RETNLB: variants seen among roughly 807,000 people sequenced by gnomAD.
The protein encoded by RETNLB is resistin like beta.
A neutral mutation model predicts 6.8 loss-of-function variants in RETNLB; 11 were observed. The ratio of observed to expected loss-of-function variants is 1.62; its 90% CI spans 1.02 to 2.68. The LOEUF is 2.68. RETNLB is among the 30% of genes most tolerant of loss of function. The pLI is 0.00. For synonymous variants in RETNLB, 57 were observed against 54.2 expected, an observed-to-expected ratio of 1.05 and a Z score of -0.23; for missense variants, 146 against 135.7, an observed-to-expected ratio of 1.08 and a Z score of -0.38.
In RETNLB at chr3:108,757,151, A is replaced by G; in HGVS notation, c.35T>C (p.Ile12Thr). Reference sequence around the variant, plus strand: ...CGGGTTGATCAGCTGGAGAAGGGGGATTAGGATGAGAAGGAGGCAAGAGGA... The same window carrying G: ...CGGGTTGATCAGCTGGAGAAGGGGGGTTAGGATGAGAAGGAGGCAAGAGGA... Reference protein sequence around the residue: ...GPSSCLLLILIPLLQLINPGS... With the variant: ...GPSSCLLLILTPLLQLINPGS... The change falls in exon 1 of 3, where the codon ATC (isoleucine) becomes ACC (threonine). Residue 12 changes from isoleucine (I) to threonine (T), a missense_variant. Coordinates refer to ENST00000295755, the MANE Select transcript of RETNLB (RefSeq NM_032579.3). The G allele has an allele frequency of 6.2e-7, 1 of 1,613,578 alleles. No individual in the cohort carries two copies. Among genetic ancestry groups the G allele is most frequent in the African/African-American group, 1.3e-5 (1 of 74,916 alleles).
Position 108,756,054 on chromosome 3 carries a change from CA to C in RETNLB, c.209-150del, listed in dbSNP as rs145570994. On this transcript the variant is annotated intron_variant, in intron 2 of 2. Coordinates refer to ENST00000295755, the MANE Select transcript of RETNLB (RefSeq NM_032579.3). ...CTCATTCAATTTTGCGAGCTCATTT[CA>C]AGAAAAGAAATACAGAAATCACAGA... 3,618 of 784,664 alleles carry C rather than the reference CA, an allele frequency of 4.6e-3. 106 individuals are homozygous for C. In the African/African-American group the frequency reaches 0.057, roughly 12 times the overall value. The allele number at this position is 784,664 out of a possible 1,614,324, so 48.6% of individuals were successfully genotyped here.
chr3:108,755,813 C>T lies in RETNLB; in HGVS notation c.301G>A (p.Asp101Asn), dbSNP rs1945245104. Residue 101 changes from aspartate (D) to asparagine (N), a missense_variant, in exon 3 of 3, where the codon GAC (aspartate) becomes AAC (asparagine). By Grantham distance (23) the Asp-to-Asn change is conservative. Coordinates refer to ENST00000295755, the MANE Select transcript of RETNLB (RefSeq NM_032579.3). Reference protein sequence around the residue: ...TTCHCQCSVVDWTTARCCHLT With the variant: ...TTCHCQCSVVNWTTARCCHLT ...TGGCAGCAGCGGGCAGTGGTCCAGT[C>T]CACCACACTGCACTGGCAGTGGCAG... 4.3e-6 allele frequency: 7 copies of T among 1,614,152 alleles called. No homozygotes were observed. Among genetic ancestry groups the T allele is most frequent in the Non-Finnish European group, 5.9e-6 (7 of 1,179,980 alleles).
chr3:108,756,325 C>G (rs1945249921), intron 2 of RETNLB, among the ~76,000 whole-genome samples, 183 bp downstream of exon 2: 1 of 152,092 alleles, frequency 6.6e-6, no homozygotes, highest in Non-Finnish European at 1.5e-5. Context: ...CCAAGATCCC[C>G]CAGTAGCATC....
intron 2 of RETNLB, 66 bp from the exon 3 acceptor site, chr3:108,755,971 C>A: frequency 6.2e-7 from 1 of 1,600,460 alleles, no homozygotes; most frequent in Non-Finnish European, 8.6e-7. Flanking sequence ...GGGCTACCCA[C>A]AACCATCTTT....
chr3:108,756,991 G>A (rs556545797), intron 1 of RETNLB, 68 bp downstream of exon 1: 37 of 1,551,234 alleles, frequency 2.4e-5, no homozygotes, highest in Non-Finnish European at 3.2e-5. Context: ...TAGAGACAAA[G>A]CTAGAGTTTA....
chr3:108,756,222 A>G lies in RETNLB; in HGVS notation c.208+286T>C, dbSNP rs377178926. Among the ~76,000 whole-genome samples, 13 of 152,286 alleles carry G rather than the reference A, an allele frequency of 8.5e-5. 1 individual carries two copies. Among genetic ancestry groups the G allele is most frequent in the Admixed American group, 6.5e-4 (10 of 15,300 alleles). On this transcript the variant is annotated intron_variant, in intron 2 of 2. Transcript: ENST00000295755. Reference sequence around the variant, plus strand: ...AACAGAGGAATAGATTGGAAAGAGAAATGAAGTATGTGATCATTATGGGAC... The same window carrying G: ...AACAGAGGAATAGATTGGAAAGAGAGATGAAGTATGTGATCATTATGGGAC...
rs748818821 is a variant in RETNLB at position 108,757,379 on chromosome 3, T to C, written c.-194A>G. The C allele has an allele frequency of 2.0e-6, 1 of 494,338 alleles. No individual in the cohort carries two copies. The highest frequency in any genetic ancestry group is 4.7e-5 in the South Asian group (1 of 21,190). 30.6% of individuals were successfully genotyped at this position (494,338 alleles called of 1,614,324 possible). A position where few individuals can be genotyped will look rare whatever the true frequency, so the allele number is the denominator to read the frequency against. ...GCAGGTAGGGTTGCTGAAGAACAGA[T>C]TTATTCACCAAAACATTCAGAGAAG... On this transcript the variant is annotated 5_prime_UTR_variant, in exon 1 of 3. Transcript: ENST00000295755.
rs1331609071 is a variant in RETNLB at position 108,756,929 on chromosome 3, G to A, written c.127+130C>T. ...CAAGACTTCAAACACGGGTAGGGTAGTGTAGAAAGCCCTCATCAGGGGTTG... is the reference window on the plus strand; with the variant it reads ...CAAGACTTCAAACACGGGTAGGGTAATGTAGAAAGCCCTCATCAGGGGTTG... On this transcript the variant is annotated intron_variant, in intron 1 of 2. Transcript: ENST00000295755. 27 of 1,035,080 alleles carry A rather than the reference G, an allele frequency of 2.6e-5. No individual in the cohort carries two copies. The South Asian group carries it at 3.8e-4, about 15-fold the overall frequency. 64.1% of individuals were successfully genotyped at this position (1,035,080 alleles called of 1,614,324 possible). A position where few individuals can be genotyped will look rare whatever the true frequency, so the allele number is the denominator to read the frequency against.
intron 1 of RETNLB, 55 bp from the exon 2 acceptor site, chr3:108,756,643 C>T: frequency 1.6e-6 from 2 of 1,237,006 alleles, no homozygotes; most frequent in Non-Finnish European, 2.4e-6. Context: ...CCATAATCCC[C>T]TTATCCCCTT....
Position 108,756,502 on chromosome 3 carries a change from A to G in RETNLB, c.208+6T>C. 6.3e-7 allele frequency: 1 copy of G among 1,592,698 alleles called. No individual in the cohort carries two copies. The highest frequency in any genetic ancestry group is 8.6e-7 in the Non-Finnish European group (1 of 1,160,542). On this transcript the variant is annotated splice_donor_region_variant and intron_variant, in intron 2 of 2. Coordinates refer to ENST00000295755, the MANE Select transcript of RETNLB (RefSeq NM_032579.3). ...AGTCGCCATTCCCTCTCAGGGAGTT[A>G]CTCACCAGCAGGGCAGGAGGACGGT...
At chr3:108,756,636 T>C in intron 1 of RETNLB, 48 bp from the exon 2 acceptor site, 1 of 1,296,866 alleles carries the variant, frequency 7.7e-7, no homozygotes, top group Non-Finnish European at 1.1e-6. Flanking sequence ...ATCCTCCCCA[T>C]AATCCCCTTA....
Position 108,756,570 on chromosome 3 carries a change from A to C in RETNLB, c.146T>G (p.Ile49Arg). 5 of 1,612,420 alleles carry C rather than the reference A, an allele frequency of 3.1e-6. No homozygotes were observed. Among genetic ancestry groups the C allele is most frequent in the Non-Finnish European group, 4.2e-6 (5 of 1,178,466 alleles). ...ACTAGCACACGAGAGCTTCTTGCTT[A>C]TAGGAGAGGGACTGTACTCTGAGTA... The part of the protein sequence containing the change: ...LNSLEYSPSP[I>R]SKKLSCASVK... Residue 49 changes from isoleucine to arginine, a missense_variant, in exon 2 of 3, where the codon ATA becomes AGA. Coordinates refer to ENST00000295755, the MANE Select transcript of RETNLB (RefSeq NM_032579.3).
In RETNLB at chr3:108,757,146, G is replaced by GGGGGATTA. The variant is rs5851607; in HGVS notation, c.32_39dup (p.Leu14Ter). The GGGGGATTA allele has an allele frequency of 0.18, 282,241 of 1,612,644 alleles. 26,740 individuals carry two copies. Among genetic ancestry groups the GGGGGATTA allele is most frequent in the Non-Finnish European group, 0.2 (234,419 of 1,178,954 alleles). On this transcript the variant is annotated stop_gained and frameshift_variant, in exon 1 of 3. Coordinates refer to ENST00000295755, the MANE Select transcript of RETNLB (RefSeq NM_032579.3). LOFTEE classifies it high-confidence loss of function. Reference sequence around the variant, plus strand: ...CTCCCCGGGTTGATCAGCTGGAGAAGGGGGATTAGGATGAGAAGGAGGCAA... The same window carrying GGGGGATTA: ...CTCCCCGGGTTGATCAGCTGGAGAAGGGGGATTAGGGGATTAGGATGAGAAGGAGGCAA...
At chr3:108,756,683 CTG>C in intron 1 of RETNLB, 95 bp from the exon 2 acceptor site, 2 of 887,740 alleles carry the variant, frequency 2.3e-6, no homozygotes, top group Non-Finnish European at 3.7e-6. Context: ...GGAGGTGACA[CTG>C]TGTCCAGAAT....
chr3:108,757,032 C>G (rs1167513306), intron 1 of RETNLB, 27 bp downstream of exon 1: 16 of 1,606,408 alleles, frequency 1.0e-5, no homozygotes, highest in African/African-American at 1.3e-5. Context: ...GGGTCAACCC[C>G]CCGCTTCCCC....
rs1178780750 is a variant in RETNLB at position 108,757,121 on chromosome 3, C to T, written c.65G>A (p.Ser22Asn). ...IPLLQLINPG[S>N]TQCSLDSVMD... The stretch of plus-strand genomic sequence containing the variant: ...AACGGAGTCTAAGGAACACTGAGTA[C>T]TCCCCGGGTTGATCAGCTGGAGAAG... The change falls in exon 1 of 3, where the codon AGT (serine) becomes AAT (asparagine). Residue 22 changes from serine to asparagine, a missense_variant. Physicochemically the swap from Ser to Asn is conservative, Grantham distance 46 (BLOSUM62 1). Coordinates refer to ENST00000295755, the MANE Select transcript of RETNLB (RefSeq NM_032579.3). The T allele has an allele frequency of 6.2e-7, 1 of 1,613,514 alleles. No individual in the cohort carries two copies. The highest frequency in any genetic ancestry group is 1.3e-5 in the African/African-American group (1 of 74,832).
At chr3:108,756,422 C>A (rs917683637) in intron 2 of RETNLB, 86 bp downstream of exon 2, 1 of 930,174 alleles carries the variant, frequency 1.1e-6, no homozygotes, top group South Asian at 1.3e-5. Context: ...ACAGACCTGA[C>A]ATGGGGGAAG....
In RETNLB at chr3:108,757,336, T is replaced by G; in HGVS notation, c.-151A>C. The G allele has an allele frequency of 1.2e-4, 87 of 745,880 alleles. No homozygotes were observed. The highest frequency in any genetic ancestry group is 2.6e-4 in the East Asian group (9 of 34,850). The allele number at this position is 745,880 out of a possible 1,614,324, so 46.2% of individuals were successfully genotyped here. A position where few individuals can be genotyped will look rare whatever the true frequency, so the allele number is the denominator to read the frequency against. ...AACAGCGTCATCAGTACTGGATCTC[T>G]TTAGGCAGTTTGGAGAAGCAGGTAG... is the stretch of plus-strand genomic sequence containing the variant. On this transcript the variant is annotated 5_prime_UTR_variant, in exon 1 of 3. Transcript: ENST00000295755.
In RETNLB at chr3:108,755,735, T is replaced by C. The variant is rs776927717; in HGVS notation, c.*43A>G. ...TTTCTTGGTTGGGACCCTGGTTTCA[T>C]TACTGTCATGGTCACAAAACTGAGT... On this transcript the variant is annotated 3_prime_UTR_variant, in exon 3 of 3. Transcript: ENST00000295755. 3.1e-6 allele frequency: 5 copies of C among 1,600,514 alleles called. No homozygotes were observed. The highest frequency in any genetic ancestry group is 1.1e-5 in the South Asian group (1 of 90,550).
Sources: allele counts gnomAD v4.1 joint callset (sites outside exome capture counted in the v4.1 genomes callset), GRCh38; gene constraint gnomAD v4.1.1; transcripts MANE v1.5; gene names NCBI Gene and HGNC (gene_info 2026-07-23, HGNC 2026-07-21).